Variants in OTUD7A observed in about 807,000 individuals in gnomAD.
OTUD7A encodes OTU deubiquitinase 7A.
Under a neutral mutation model 65.7 loss-of-function variants are expected in OTUD7A, and 12 were observed. The observed-to-expected ratio is 0.18, with a 90% CI of 0.12 to 0.30. The LOEUF is 0.30. Among genes scored for constraint, OTUD7A ranks in the 10% least tolerant of loss-of-function variants. The pLI is 1.00. For missense variants in OTUD7A, 1,148 were observed against 1,304.8 expected (o/e 0.88, Z 1.85); for synonymous variants, 641 against 586.3 (o/e 1.09, Z -1.35).
chr15:31,610,617 A>ATATAT lies in OTUD7A; in HGVS notation c.152-40421_152-40420insATATA. 2.6e-3 allele frequency among the ~76,000 whole-genome samples: 78 copies of ATATAT among 30,570 alleles called. 1 individual carries two copies. The highest frequency in any genetic ancestry group is 4.1e-3 in the African/African-American group (24 of 5,868). The allele number at this position is 30,570 out of a possible 152,430, so 20.1% of individuals were successfully genotyped here. ...ATTATATATATATATATATATATAT[A>ATATAT]TTTTTTTTTTTTTTTTTTTTTTGAG... On this transcript the variant is annotated intron_variant, in intron 3 of 12. Transcript: ENST00000307050.
intron 1 of OTUD7A, among the ~76,000 whole-genome samples, chr15:31,749,569 T>G (rs1024244011): frequency 2.0e-5 from 3 of 152,128 alleles, no homozygotes; most frequent in African/African-American, 7.2e-5. Context: ...CCCAGTAGAG[T>G]GCATTTTAAA....
At chr15:31,493,004 G>A (rs1289826465) in intron 10 of OTUD7A, among the ~76,000 whole-genome samples, 1 of 151,890 alleles carries the variant, frequency 6.6e-6, no homozygotes, top group African/African-American at 2.4e-5. Flanking sequence ...TCAGGGGTTC[G>A]AGACCAGCCT....
At position 31,654,208 on chromosome 15, in the gene OTUD7A, C is replaced by T. The variant is rs557523213; in HGVS notation, c.151+888G>A. On this transcript the variant is annotated intron_variant, in intron 3 of 12. Coordinates refer to ENST00000307050, the MANE Select transcript of OTUD7A (RefSeq NM_001382637.1). The stretch of plus-strand genomic sequence containing the variant: ...ATCATATTTTGATTTCCATAGATTG[C>T]AAAAACTCTCAGCATATTTTATTCT... Among the ~76,000 whole-genome samples, 164 of 103,432 alleles carry T rather than the reference C, an allele frequency of 1.6e-3. 1 individual carries two copies. Among genetic ancestry groups the T allele is most frequent in the African/African-American group, 6.0e-3 (158 of 26,256 alleles). The allele number at this position is 103,432 out of a possible 152,430, so 67.9% of individuals were successfully genotyped here. A position where few individuals can be genotyped will look rare whatever the true frequency, so the allele number is the denominator to read the frequency against.
At chr15:31,577,973 T>C (rs149033324) in intron 3 of OTUD7A, among the ~76,000 whole-genome samples, 319 of 152,300 alleles carry the variant, frequency 2.1e-3, no homozygotes, top group Middle Eastern at 6.8e-3. Flanking sequence ...TCTGAGACAC[T>C]GGCATGAACT....
intron 8 of OTUD7A, among the ~76,000 whole-genome samples, chr15:31,517,782 G>C (rs544038903): frequency 3.3e-5 from 5 of 152,322 alleles, no homozygotes; most frequent in African/African-American, 1.2e-4. Flanking sequence ...AAGAAGCAAA[G>C]GTCATGGAGC....
At chr15:31,756,488 C>T (rs113971981) in intron 1 of OTUD7A, among the ~76,000 whole-genome samples, 4 of 152,180 alleles carry the variant, frequency 2.6e-5, no homozygotes, top group African/African-American at 9.7e-5. Context: ...AGTCACTGTC[C>T]TCGTGATGTA....
At chr15:31,819,316 C>A (rs968312682) in intron 1 of OTUD7A, among the ~76,000 whole-genome samples, 1 of 152,086 alleles carries the variant, frequency 6.6e-6, no homozygotes, top group Non-Finnish European at 1.5e-5. Context: ...TTTGGGGAAG[C>A]CTGATGAGCT....
intron 8 of OTUD7A, among the ~76,000 whole-genome samples, chr15:31,521,186 A>C (rs2041932183): frequency 6.6e-6 from 1 of 152,182 alleles, no homozygotes; most frequent in Non-Finnish European, 1.5e-5. Context: ...TACTTGGGTA[A>C]TGGGTACGCT....
At chr15:31,506,454 G>T (rs4477655) in intron 8 of OTUD7A, among the ~76,000 whole-genome samples, 3 of 151,980 alleles carry the variant, frequency 2.0e-5, no homozygotes, top group Non-Finnish European at 4.4e-5. Context: ...TTTTTTACAG[G>T]ATTTTAATAG....
intron 1 of OTUD7A, among the ~76,000 whole-genome samples, chr15:31,708,289 C>T (rs1315171757): frequency 5.3e-5 from 8 of 152,036 alleles, no homozygotes; most frequent in Non-Finnish European, 1.2e-4. Context: ...GAGCATGGAT[C>T]GAAAAAAGAT....
At chr15:31,590,366 G>C (rs1470163181) in intron 3 of OTUD7A, among the ~76,000 whole-genome samples, 1 of 152,122 alleles carries the variant, frequency 6.6e-6, no homozygotes, top group Non-Finnish European at 1.5e-5. Flanking sequence ...GTCATTCAGT[G>C]ATGAATGACT....
Position 31,482,487 on chromosome 15 carries a change from A to C in OTUD7A, c.*807T>G, listed in dbSNP as rs1323212527. 6.6e-6 allele frequency: 1 copy of C among 152,268 alleles called. No homozygotes were observed. The highest frequency in any genetic ancestry group is 2.4e-5 in the African/African-American group (1 of 41,456). 9.4% of individuals were successfully genotyped at this position (152,268 alleles called of 1,614,324 possible). The stretch of plus-strand genomic sequence containing the variant: ...AGCAGCCTGTCCTATCTGCTCCTCT[A>C]TGAGCAAATCCAAATTGTGAGATGG... On this transcript the variant is annotated 3_prime_UTR_variant, in exon 13 of 13. Transcript: ENST00000307050.
chr15:31,486,018 C>T (rs1262058263), intron 12 of OTUD7A, among the ~76,000 whole-genome samples: 5 of 152,150 alleles, frequency 3.3e-5, no homozygotes, highest in African/African-American at 7.2e-5. Flanking sequence ...AAGGGAGGTG[C>T]GCCTGGTGCT....
At chr15:31,778,133 T>C (rs942144365) in intron 1 of OTUD7A, among the ~76,000 whole-genome samples, 2 of 152,036 alleles carry the variant, frequency 1.3e-5, no homozygotes, top group Non-Finnish European at 2.9e-5. Flanking sequence ...AGAGTAATTC[T>C]AAGGACAAGA....
intron 3 of OTUD7A, among the ~76,000 whole-genome samples, chr15:31,654,554 C>T (rs1329143681): frequency 6.6e-6 from 1 of 152,108 alleles, no homozygotes; most frequent in African/African-American, 2.4e-5. Context: ...CTGGTCCCTC[C>T]CACCTTTACA....
At chr15:31,521,010 A>G (rs1232995522) in intron 8 of OTUD7A, among the ~76,000 whole-genome samples, 1 of 152,250 alleles carries the variant, frequency 6.6e-6, no homozygotes, top group Non-Finnish European at 1.5e-5. Context: ...GATTATCCTC[A>G]GTGATATAAC....
intron 4 of OTUD7A, among the ~76,000 whole-genome samples, chr15:31,562,383 C>CCCTGGTA (rs1476245122): frequency 3.3e-5 from 5 of 152,228 alleles, no homozygotes; most frequent in African/African-American, 7.2e-5. Flanking sequence ...CGGAGACAGG[C>CCCTGGTA]CCTGGTACCT....
In OTUD7A at chr15:31,487,720, A is replaced by C. The variant is rs2041258821; in HGVS notation, c.1172-154T>G. Among the ~76,000 whole-genome samples the C allele has an allele frequency of 6.6e-6, 1 of 152,142 alleles. No individual in the cohort carries two copies. Among genetic ancestry groups the C allele is most frequent in the East Asian group, 1.9e-4 (1 of 5,194 alleles). On this transcript the variant is annotated intron_variant, in intron 10 of 12. Coordinates refer to ENST00000307050, the MANE Select transcript of OTUD7A (RefSeq NM_001382637.1). The surrounding 1 kb of genome is among the most constrained non-coding windows in gnomAD (Gnocchi z 6.0). Reference sequence around the variant, plus strand: ...CAGGAGCATGAAGACCAAAACCACTATTGCTAGTTTTTAAAATTTCGTATT... The same window carrying C: ...CAGGAGCATGAAGACCAAAACCACTCTTGCTAGTTTTTAAAATTTCGTATT...
At chr15:31,727,229 C>T (rs544301714) in intron 1 of OTUD7A, among the ~76,000 whole-genome samples, 3 of 152,354 alleles carry the variant, frequency 2.0e-5, no homozygotes, top group African/African-American at 7.2e-5. Flanking sequence ...CCTCATATCC[C>T]CACCTTTCCC....
Sources: gnomAD v4.1 joint callset for allele counts (sites outside exome capture counted in the v4.1 genomes callset) on GRCh38, gnomAD v4.1.1 for gene constraint, Gnocchi (gnomAD v3.1) non-coding constraint, MANE v1.5 for transcripts, NCBI Gene and HGNC (gene_info 2026-07-23, HGNC 2026-07-21) for gene names.